FRYL: variants seen among roughly 807,000 people sequenced by gnomAD.
FRYL encodes the protein protein furry homolog-like.
In FRYL, 150 loss-of-function variants were observed where a neutral mutation model predicts 351.2. The observed-to-expected ratio is 0.43, with a 90% CI of 0.37 to 0.49. The LOEUF is 0.49. Among genes scored for constraint, FRYL ranks in the 20% least tolerant of loss-of-function variants. FRYL has a pLI of 0.00. For missense variants in FRYL, 3,036 were observed against 3,619.3 expected (o/e 0.84, Z 4.13); for synonymous variants, 1,153 against 1,257.1 (o/e 0.92, Z 1.75).
chr4:48,625,406 T>C (rs531430510), intron 4 of FRYL, among the ~76,000 whole-genome samples: 1 of 152,338 alleles, frequency 6.6e-6, no homozygotes, highest in African/African-American at 2.4e-5. Context: ...TATATTCTTA[T>C]GCAGTTGGCC....
intron 26 of FRYL, chr4:48,571,741 A>C: frequency 1.0e-6 from 1 of 970,798 alleles, no homozygotes; most frequent in Non-Finnish European, 1.2e-6. Context: ...AAACAGGATG[A>C]TTTCTTATCA....
In FRYL at chr4:48,522,984, G is replaced by C. The variant is rs1327503096; in HGVS notation, c.7438C>G (p.Leu2480Val). The change falls in exon 54 of 64, where the codon CTC becomes GTC. Residue 2480 changes from leucine (L) to valine (V), a missense_variant. Leu to Val is a conservative substitution (Grantham distance 32). Around this residue, in one of 7 missense-constraint regions of FRYL, gnomAD observed 1,987 missense variants for 2,311.7 expected, o/e 0.86. Coordinates refer to ENST00000358350, the MANE Select transcript of FRYL (RefSeq NM_015030.2). Reference sequence around the variant, plus strand: ...TCATCTGTATCCTCCTGATTGGTGAGGTTCAGGCTGGGGGTGCTACTAGAG... The same window carrying C: ...TCATCTGTATCCTCCTGATTGGTGACGTTCAGGCTGGGGGTGCTACTAGAG... ...QCSSSTPSLN[L>V]TNQEDTDESS... is the part of the protein sequence containing the mutation. The C allele has an allele frequency of 6.2e-7, 1 of 1,613,858 alleles. No individual in the cohort carries two copies. The highest frequency in any genetic ancestry group is 8.5e-7 in the Non-Finnish European group (1 of 1,179,916).
intron 11 of FRYL, 106 bp from the exon 12 acceptor site, chr4:48,603,494 C>G: frequency 1.4e-6 from 1 of 726,082 alleles, no homozygotes; most frequent in Non-Finnish European, 2.3e-6. Flanking sequence ...TAATAATTCA[C>G]TGAGACTCTC....
intron 3 of FRYL, among the ~76,000 whole-genome samples, chr4:48,678,948 T>TA (rs997301475): frequency 2.6e-5 from 4 of 151,778 alleles, no homozygotes; most frequent in Non-Finnish European, 4.4e-5. Context: ...AGATAGTCTT[T>TA]AAAAAAAAGA....
chr4:48,770,881 A>C (rs1775445474), intron 1 of FRYL, among the ~76,000 whole-genome samples: 1 of 152,228 alleles, frequency 6.6e-6, no homozygotes, highest in Non-Finnish European at 1.5e-5. Flanking sequence ...ATTCCAAGCT[A>C]CTATCCCTCC....
intron 63 of FRYL, 46 bp downstream of exon 63, chr4:48,499,983 TC>T: frequency 7.8e-7 from 1 of 1,283,596 alleles, no homozygotes; most frequent in East Asian, 2.4e-5. Flanking sequence ...TTACTAAACT[TC>T]CTGTCTAATT....
chr4:48,505,278 C>A, intron 60 of FRYL: 2 of 459,306 alleles, frequency 4.4e-6, no homozygotes, highest in Non-Finnish European at 8.0e-6. Flanking sequence ...AAAAGCCGAC[C>A]TGGACTGTCC....
chr4:48,750,643 C>A (rs1368388536), intron 1 of FRYL, among the ~76,000 whole-genome samples: 1 of 151,980 alleles, frequency 6.6e-6, no homozygotes, highest in Non-Finnish European at 1.5e-5. Flanking sequence ...GATCTTCTAA[C>A]GAACTGAATG....
At chr4:48,592,082 T>TATATATATATATATATATATATATATA (rs888017807) in intron 16 of FRYL, among the ~76,000 whole-genome samples, 8 of 116,202 alleles carry the variant, frequency 6.9e-5, no homozygotes, top group South Asian at 2.9e-4. Context: ...AATAAAGCTC[T>TATATATATATATATATATATATATATA]TATATATATA....
intron 3 of FRYL, among the ~76,000 whole-genome samples, chr4:48,655,204 T>C (rs1279179922): frequency 1.3e-5 from 2 of 152,180 alleles, no homozygotes; most frequent in African/African-American, 4.8e-5. Context: ...GGTATATTTT[T>C]TCTCAGAGCA....
At chr4:48,736,850 G>GAAAAAAAAAAAAA (rs368006420) in intron 1 of FRYL, among the ~76,000 whole-genome samples, 91 of 40,188 alleles carry the variant, frequency 2.3e-3, no homozygotes, top group Middle Eastern at 0.026. Flanking sequence ...ACTCTGTCTC[G>GAAAAAAAAAAAAA]AAAAAAAAAA....
intron 42 of FRYL, among the ~76,000 whole-genome samples, chr4:48,545,509 A>C (rs1731147443): frequency 6.6e-6 from 1 of 152,086 alleles, no homozygotes; most frequent in South Asian, 2.1e-4. Context: ...CCCTCCTCCC[A>C]GCTTAATGAT....
intron 1 of FRYL, among the ~76,000 whole-genome samples, chr4:48,750,150 A>AG (rs1773095078): frequency 2.0e-5 from 3 of 150,878 alleles, no homozygotes; most frequent in Admixed American, 6.6e-5. Context: ...AAAAAAAAAA[A>AG]AAAGAAAGAA....
chr4:48,597,792 T>C lies in FRYL; in HGVS notation c.1036-1792A>G, dbSNP rs1481806584. On this transcript the variant is annotated intron_variant, in intron 13 of 63. Coordinates refer to ENST00000358350, the MANE Select transcript of FRYL (RefSeq NM_015030.2). ...GATGAGGTATCTGGCATGAAAAAAC[T>C]TGATTTTCAAACAAAGCTGGCATTC... Among the ~76,000 whole-genome samples the C allele has an allele frequency of 2.0e-5, 3 of 152,258 alleles. No individual in the cohort carries two copies. The East Asian group carries it at 5.8e-4, about 29-fold the overall frequency.
At chr4:48,684,338 T>C (rs1258100934) in intron 3 of FRYL, among the ~76,000 whole-genome samples, 1 of 152,212 alleles carries the variant, frequency 6.6e-6, no homozygotes, top group African/African-American at 2.4e-5. Context: ...CAATTTCCTA[T>C]GCTTCATCTG....
intron 1 of FRYL, among the ~76,000 whole-genome samples, chr4:48,717,419 G>C (rs550740880): frequency 1.3e-5 from 2 of 151,636 alleles, no homozygotes; most frequent in Non-Finnish European, 2.9e-5. Flanking sequence ...AGGGCCAGGA[G>C]ACAAAAGATA....
intron 56 of FRYL, among the ~76,000 whole-genome samples, chr4:48,513,062 T>C (rs1424928057): frequency 2.6e-5 from 4 of 152,188 alleles, no homozygotes; most frequent in Non-Finnish European, 5.9e-5. Context: ...GATAATAATA[T>C]TCTTAAAGTT....
Position 48,499,253 on chromosome 4 carries a change from G to A in FRYL, c.*169C>T, listed in dbSNP as rs1262325492. 1 of 607,920 alleles carries A rather than the reference G, an allele frequency of 1.6e-6. No homozygotes were observed. The highest frequency in any genetic ancestry group is 2.1e-5 in the South Asian group (1 of 46,976). 37.7% of individuals were successfully genotyped at this position (607,920 alleles called of 1,614,324 possible). A position where few individuals can be genotyped will look rare whatever the true frequency, so the allele number is the denominator to read the frequency against. On this transcript the variant is annotated 3_prime_UTR_variant, in exon 64 of 64. Coordinates refer to ENST00000358350, the MANE Select transcript of FRYL (RefSeq NM_015030.2). ...ATTGGCAGCTGTTAAAATATCAGAT[G>A]TTTTTTTCTTTCAGATCTTTGTTTT...
intron 42 of FRYL, among the ~76,000 whole-genome samples, chr4:48,545,835 C>A (rs1210841172): frequency 6.6e-6 from 1 of 152,140 alleles, no homozygotes; most frequent in Non-Finnish European, 1.5e-5. Flanking sequence ...AGATAATACT[C>A]ATTCTCTTTG....
Sources: gnomAD v4.1 joint callset for allele counts (sites outside exome capture counted in the v4.1 genomes callset) on GRCh38, gnomAD v4.1.1 for gene constraint, gnomAD v4.1.1 regional missense constraint, MANE v1.5 for transcripts, NCBI Gene and HGNC (gene_info 2026-07-23, HGNC 2026-07-21) for gene names.